Variants in FRAS1 observed in about 807,000 individuals in gnomAD.
The protein encoded by FRAS1 is Fraser extracellular matrix complex subunit 1.
FRAS1 carries 290 observed loss-of-function variants against 435.2 expected under a neutral mutation model. The ratio of observed to expected loss-of-function variants is 0.67; its 90% CI spans 0.61 to 0.73. The LOEUF (loss-of-function observed/expected upper bound fraction) is 0.73, where lower values mean the gene tolerates loss of function less well. Among genes scored for constraint, FRAS1 ranks in the 30% least tolerant of loss-of-function variants. The probability of loss-of-function intolerance (pLI) is 0.00; values close to 1 mark genes in which losing one functional copy is unlikely to be tolerated. For missense variants in FRAS1, 4,860 were observed against 5,001.5 expected, an observed-to-expected ratio of 0.97 and a Z score of 0.85; for synonymous variants, 1,800 against 1,851.0, an observed-to-expected ratio of 0.97 and a Z score of 0.71.
intron 20 of FRAS1, among the ~76,000 whole-genome samples, chr4:78,359,143 G>A (rs867141136): frequency 2.2e-4 from 34 of 152,196 alleles, no homozygotes; most frequent in African/African-American, 6.5e-4. Context: ...CTAGATCCCT[G>A]TCTGAACCTG....
At position 78,540,901 on chromosome 4, in the gene FRAS1, C is replaced by T. The variant is rs1242388984; in HGVS notation, c.11816C>T (p.Ala3939Val). The part of the protein sequence containing the change: ...KCQKQRKKKP[A>V]EDILEEYPLN... ...CAGAAACAGAGGAAGAAGAAGCCCG[C>T]AGAGGACATTTTGGAAGAATATCCT... The change falls in exon 74 of 74, where the codon GCA becomes GTA. Residue 3939 changes from alanine (A) to valine (V), a missense_variant. Transcript: ENST00000512123. 1 of 1,613,838 alleles carries T rather than the reference C, an allele frequency of 6.2e-7. No homozygotes were observed. Among genetic ancestry groups the T allele is most frequent in the Non-Finnish European group, 8.5e-7 (1 of 1,179,892 alleles).
At chr4:78,495,443 A>G (rs962844897) in intron 59 of FRAS1, among the ~76,000 whole-genome samples, 1 of 152,180 alleles carries the variant, frequency 6.6e-6, no homozygotes, top group Non-Finnish European at 1.5e-5. Flanking sequence ...CAAAAATAAA[A>G]GTGATAGCTT....
Position 78,499,820 on chromosome 4 carries a change from A to G in FRAS1, c.9215A>G (p.Asp3072Gly). ...ILNIKVIRRGDQNRTSKVRCS... is the reference protein window; with the variant it reads ...ILNIKVIRRGGQNRTSKVRCS... The stretch of plus-strand genomic sequence containing the variant: ...AACATCAAGGTGATCCGCAGAGGGG[A>G]TCAGAACAGGACCTCCAAGGTTCGC... The change falls in exon 61 of 74, where the codon GAT becomes GGT. Residue 3072 changes from aspartate to glycine, a missense_variant. Physicochemically the swap from Asp to Gly is moderately conservative, Grantham distance 94. Coordinates refer to ENST00000512123, the MANE Select transcript of FRAS1 (RefSeq NM_025074.7). 6.2e-7 allele frequency: 1 copy of G among 1,613,910 alleles called. No homozygotes were observed. The highest frequency in any genetic ancestry group is 8.5e-7 in the Non-Finnish European group (1 of 1,179,824).
chr4:78,237,636 G>T lies in FRAS1; in HGVS notation c.216+19G>T. 1 of 1,427,682 alleles carries T rather than the reference G, an allele frequency of 7.0e-7. No individual in the cohort carries two copies. 88.4% of individuals were successfully genotyped at this position (1,427,682 alleles called of 1,614,324 possible). On this transcript the variant is annotated intron_variant, in intron 3 of 73. Transcript: ENST00000512123. Reference sequence around the variant, plus strand: ...TGAGAAGGTACGGTATCCTAATTGTGTCCTAAATGTATTGGTAAAGTCAGT... The same window carrying T: ...TGAGAAGGTACGGTATCCTAATTGTTTCCTAAATGTATTGGTAAAGTCAGT...
At chr4:78,496,696 G>A in intron 59 of FRAS1, 109 bp from the exon 60 acceptor site, 2 of 1,045,188 alleles carry the variant, frequency 1.9e-6, no homozygotes, top group South Asian at 3.0e-5. Flanking sequence ...TTTTGAATTT[G>A]TGTGGACTTT....
rs1010862537 is a variant in FRAS1, at chr4:78,290,164, AT to A, written c.1534+3629del. On this transcript the variant is annotated intron_variant, in intron 14 of 73. Coordinates refer to ENST00000512123, the MANE Select transcript of FRAS1 (RefSeq NM_025074.7). ...ATGTAAGATTATGTTAAAATGAGTAATTTTAACGTAAGGTTAAAATTATAAG... is the reference window on the plus strand; with the variant it reads ...ATGTAAGATTATGTTAAAATGAGTAATTTAACGTAAGGTTAAAATTATAAG... Among the ~76,000 whole-genome samples the A allele has an allele frequency of 1.4e-4, 21 of 152,218 alleles. 1 individual carries two copies. The highest frequency in any genetic ancestry group is 3.9e-4 in the Admixed American group (6 of 15,286).
At chr4:78,265,262 G>T (rs907559766) in intron 7 of FRAS1, among the ~76,000 whole-genome samples, 154 bp downstream of exon 7, 1 of 152,076 alleles carries the variant, frequency 6.6e-6, no homozygotes, top group Non-Finnish European at 1.5e-5. Context: ...TCTCTTCACA[G>T]AAAACTTGTA....
At position 78,140,598 on chromosome 4, in the gene FRAS1, TAAAG is replaced by T. The variant is rs797009074; in HGVS notation, c.108+74586_108+74589del. On this transcript the variant is annotated intron_variant, in intron 2 of 73. Transcript: ENST00000512123. The stretch of plus-strand genomic sequence containing the variant: ...AAGTGCCCATCAATCAATGAGTGGA[TAAAG>T]AAACTGTGGTATATATATGTGTATA... 4.1e-4 allele frequency among the ~76,000 whole-genome samples: 62 copies of T among 152,124 alleles called. 2 individuals carry two copies. Among genetic ancestry groups the T allele is most frequent in the African/African-American group, 1.4e-3 (58 of 41,512 alleles).
intron 23 of FRAS1, among the ~76,000 whole-genome samples, chr4:78,371,083 G>GGTTTTTTTTTTT (rs1456015210): frequency 3.1e-5 from 4 of 127,434 alleles, no homozygotes; most frequent in African/African-American, 6.4e-5. Flanking sequence ...TTTTTTTTCT[G>GGTTTTTTTTTTT]TTTTTTTGTT....
rs1228494963 is a variant in FRAS1, at chr4:78,388,122, A to G, written c.3975+421A>G. Among the ~76,000 whole-genome samples the G allele has an allele frequency of 2.0e-5, 3 of 151,438 alleles. No individual in the cohort carries two copies. The East Asian group carries it at 6.0e-4, about 30-fold the overall frequency. ...GGGTGGATCACGAGGTCAGGAGATC[A>G]AGACCATCCTGGCTAACACGGTGAA... On this transcript the variant is annotated intron_variant, in intron 29 of 73. Coordinates refer to ENST00000512123, the MANE Select transcript of FRAS1 (RefSeq NM_025074.7).
At chr4:78,380,582 C>T (rs1288251739) in intron 27 of FRAS1, among the ~76,000 whole-genome samples, 1 of 152,208 alleles carries the variant, frequency 6.6e-6, no homozygotes, top group Non-Finnish European at 1.5e-5. Context: ...TTAACACCAA[C>T]CCAAGCAAAT....
Position 78,337,803 on chromosome 4 carries a change from T to C in FRAS1, c.2408T>C (p.Val803Ala). 6.2e-7 allele frequency: 1 copy of C among 1,613,886 alleles called. No homozygotes were observed. The highest frequency in any genetic ancestry group is 1.1e-5 in the South Asian group (1 of 91,072). ...AGGGAAGAGCAGTTCCTCAACCTCG[T>C]GGGATACTGTGCTGGTGAGTGAAAC... Reference protein sequence around the residue: ...SCREEQFLNLVGYCADCHHLC... With the variant: ...SCREEQFLNLAGYCADCHHLC... Residue 803 changes from valine (V) to alanine (A), a missense_variant, in exon 20 of 74, where the codon GTG (valine) becomes GCG (alanine). Val to Ala is a moderately conservative substitution (Grantham distance 64). Coordinates refer to ENST00000512123, the MANE Select transcript of FRAS1 (RefSeq NM_025074.7).
chr4:78,123,131 T>C (rs1364779795), intron 2 of FRAS1, among the ~76,000 whole-genome samples: 3 of 152,230 alleles, frequency 2.0e-5, no homozygotes, highest in Non-Finnish European at 4.4e-5. Context: ...AAGTCTTTGA[T>C]CCATGTTCAG....
intron 66 of FRAS1, among the ~76,000 whole-genome samples, chr4:78,516,847 C>A (rs1012049069): frequency 2.0e-5 from 3 of 152,180 alleles, no homozygotes; most frequent in African/African-American, 7.2e-5. Flanking sequence ...CTGGTTCCTC[C>A]CTTGACATGT....
intron 14 of FRAS1, among the ~76,000 whole-genome samples, chr4:78,305,953 A>G (rs1455946509): frequency 6.6e-6 from 1 of 150,958 alleles, no homozygotes; most frequent in East Asian, 2.0e-4. Context: ...GTTTCCTCTT[A>G]GTCTCGATGG....
rs79481155 is a variant in FRAS1 at position 78,429,026 on chromosome 4, G to T, written c.4712-69G>T. 1.4e-5 allele frequency: 19 copies of T among 1,340,630 alleles called. No homozygotes were observed. The South Asian group carries it at 2.2e-4, about 16-fold the overall frequency. 83.0% of individuals were successfully genotyped at this position (1,340,630 alleles called of 1,614,324 possible). A position where few individuals can be genotyped will look rare whatever the true frequency, so the allele number is the denominator to read the frequency against. ...AGAGGACCAGACTACAAGTTGATTCGTGTGTGTGTGTGCGTGTCTCTGTGT... is the reference window on the plus strand; with the variant it reads ...AGAGGACCAGACTACAAGTTGATTCTTGTGTGTGTGTGCGTGTCTCTGTGT... On this transcript the variant is annotated intron_variant, in intron 35 of 73. Coordinates refer to ENST00000512123, the MANE Select transcript of FRAS1 (RefSeq NM_025074.7).
At chr4:78,374,388 A>G (rs1230359461) in intron 25 of FRAS1, 137 bp downstream of exon 25, 1 of 732,996 alleles carries the variant, frequency 1.4e-6, no homozygotes, top group Non-Finnish European at 2.1e-6. Flanking sequence ...TAAGTAATTG[A>G]TGGCTTCCCA....
intron 59 of FRAS1, among the ~76,000 whole-genome samples, chr4:78,495,515 T>C (rs1262890059): frequency 3.9e-5 from 6 of 152,178 alleles, no homozygotes; most frequent in Admixed American, 3.9e-4. Context: ...GTCTTAGTTA[T>C]ATATTTTATG....
chr4:78,116,485 A>G (rs1743186308), intron 2 of FRAS1, among the ~76,000 whole-genome samples: 1 of 152,130 alleles, frequency 6.6e-6, no homozygotes, highest in Non-Finnish European at 1.5e-5. Flanking sequence ...GTAGGTCTCT[A>G]AGGACTTGCT....
Sources: allele counts gnomAD v4.1 joint callset (sites outside exome capture counted in the v4.1 genomes callset), GRCh38; gene constraint gnomAD v4.1.1; transcripts MANE v1.5; gene names NCBI Gene and HGNC (gene_info 2026-07-23, HGNC 2026-07-21).